CELA3B: variants seen among roughly 807,000 people sequenced by gnomAD.
CELA3B encodes chymotrypsin like elastase 3B, also known as chymotrypsin-like elastase family member 3B.
Under a neutral mutation model 37.2 loss-of-function variants are expected in CELA3B, and 34 were observed. The observed-to-expected ratio is 0.91, with a 90% confidence interval of 0.70 to 1.22. The LOEUF (loss-of-function observed/expected upper bound fraction) is 1.22. Ranked by LOEUF, CELA3B falls within the 50% of genes most tolerant of loss-of-function variation. The pLI, the probability that CELA3B is intolerant of heterozygous loss-of-function variation, is 0.00. For synonymous variants in CELA3B, 127 were observed against 143.5 expected, an observed-to-expected ratio of 0.89 and a Z score of 0.82; for missense variants, 340 against 363.1, an observed-to-expected ratio of 0.94 and a Z score of 0.52.
intron 6 of CELA3B, 130 bp downstream of exon 6, chr1:21,984,461 G>C (rs1308639625): frequency 7.6e-7 from 1 of 1,308,782 alleles, no homozygotes; most frequent in Non-Finnish European, 1.0e-6. Flanking sequence ...GGCAGGACTT[G>C]GAGGAAATCA....
In CELA3B at chr1:21,984,241, CTA is replaced by C; in HGVS notation, c.554_555del (p.Tyr185Ter). 3.7e-6 allele frequency: 6 copies of C among 1,614,200 alleles called. No homozygotes were observed. Among genetic ancestry groups the C allele is most frequent in the Non-Finnish European group, 5.1e-6 (6 of 1,180,034 alleles). On this transcript the variant is annotated frameshift_variant, in exon 6 of 8. Coordinates refer to ENST00000337107, the MANE Select transcript of CELA3B (RefSeq NM_007352.4). LOFTEE classifies it high-confidence loss of function. Reference sequence around the variant, plus strand: ...AGGAGGCCCTGCTGCCGGTGGTGGACTATGAACACTGCTCCAGGTGGAACTGG... The same window carrying C: ...AGGAGGCCCTGCTGCCGGTGGTGGACTGAACACTGCTCCAGGTGGAACTGG... ...LQEALLPVVDYEHCSRWNWWG... is the reference protein window; with the variant it reads ...LQEALLPVVDXEHCSRWNWWG...
At chr1:21,987,092 G>C (rs1338872912) in intron 7 of CELA3B, 1 of 367,868 alleles carries the variant, frequency 2.7e-6, no homozygotes, top group Non-Finnish European at 5.5e-6. Flanking sequence ...TCTGGGGATG[G>C]GTGATCAGAG....
rs1378213494 is a variant in CELA3B at position 21,983,767 on chromosome 1, C to T, written c.436C>T (p.Pro146Ser). The change falls in exon 5 of 8, where the codon CCG becomes TCG. Residue 146 changes from proline (P) to serine (S), a missense_variant. Physicochemically the swap from Pro to Ser is moderately conservative, Grantham distance 74. Coordinates refer to ENST00000337107, the MANE Select transcript of CELA3B (RefSeq NM_007352.4). The part of the protein sequence containing the change: ...GDAVQLASLP[P>S]AGDILPNETP... ...CGCCGTCCAGCTCGCCTCACTCCCT[C>T]CGGCTGGTGACATCCTTCCCAACGA... 3 of 1,613,788 alleles carry T rather than the reference C, an allele frequency of 1.9e-6. No individual in the cohort carries two copies. In the African/African-American group the frequency reaches 4.0e-5, roughly 22 times the overall value.
At chr1:21,994,100 C>T (rs4292925), downstream of CELA3B, among the ~76,000 whole-genome samples, 29,801 of 146,858 alleles carry the variant, frequency 0.2, 1,988 homozygotes, top group African/African-American at 0.45. Context: ...GAATCTCCAG[C>T]CCCACTTCTC....
intron 4 of CELA3B, 71 bp from the exon 5 acceptor site, chr1:21,983,623 G>A (rs1213609385): frequency 3.1e-6 from 5 of 1,588,272 alleles, no homozygotes; most frequent in Non-Finnish European, 4.3e-6. Flanking sequence ...GAATAGCCTG[G>A]AGCAACGGCT....
intron 1 of CELA3B, 93 bp downstream of exon 1, chr1:21,977,175 T>G: frequency 6.4e-7 from 1 of 1,572,726 alleles, no homozygotes; most frequent in Non-Finnish European, 8.8e-7. Context: ...TGACACCCTA[T>G]GCCTGGTTCC....
intron 4 of CELA3B, among the ~76,000 whole-genome samples, chr1:21,995,033 T>A (rs1644884576): frequency 6.7e-6 from 1 of 148,952 alleles, no homozygotes; most frequent in Non-Finnish European, 1.5e-5. Flanking sequence ...AAATCCTAAT[T>A]GTTTCACTTA....
In CELA3B at chr1:21,997,516, T is replaced by C. The variant is rs930739613; in HGVS notation, c.505-635T>C. ...CAGCCTGGCCAATGTGGTGAAACCC[T>C]GCCTCTACTAAAAATCCAAAAATTA... On this transcript the variant is annotated intron_variant, in intron 4 of 4. Coordinates refer to the CELA3B transcript ENST00000400277. Among the ~76,000 whole-genome samples, 11 of 150,406 alleles carry C rather than the reference T, an allele frequency of 7.3e-5. 1 individual carries two copies. Among genetic ancestry groups the C allele is most frequent in the Non-Finnish European group, 1.3e-4 (9 of 67,736 alleles).
At chr1:21,998,378 A>AC (rs1475939258) in exon 5 of CELA3B, 2 of 339,850 alleles carry the variant, frequency 5.9e-6, no homozygotes, top group African/African-American at 2.2e-5. Flanking sequence ...AGCACACAAA[A>AC]CCCCCCGCCC....
At chr1:21,995,343 T>A (rs1439311001) in intron 4 of CELA3B, among the ~76,000 whole-genome samples, 1 of 150,870 alleles carries the variant, frequency 6.6e-6, no homozygotes, top group East Asian at 2.0e-4. Context: ...TTTCACCATT[T>A]TGCCCAGGCT....
chr1:21,995,536 G>A (rs1569856944), intron 4 of CELA3B, among the ~76,000 whole-genome samples: 1 of 151,176 alleles, frequency 6.6e-6, no homozygotes, highest in East Asian at 1.9e-4. Context: ...GCTGATTTCT[G>A]GCTGTGGCAG....
chr1:21,983,746 G>A lies in CELA3B; in HGVS notation c.415G>A (p.Val139Ile), dbSNP rs141568613. ...LSRSAQLGDA[V>I]QLASLPPAGD... ...ACGCAGCGCCCAGCTGGGAGACGCC[G>A]TCCAGCTCGCCTCACTCCCTCCGGC... The change falls in exon 5 of 8, where the codon GTC becomes ATC. Residue 139 changes from valine to isoleucine, a missense_variant. Physicochemically the swap from Val to Ile is conservative, Grantham distance 29 (BLOSUM62 3). Transcript: ENST00000337107. The A allele has an allele frequency of 4.1e-3, 6,694 of 1,614,068 alleles. 26 individuals carry two copies. The highest frequency in any genetic ancestry group is 6.7e-3 in the South Asian group (606 of 91,058).
exon 5 of CELA3B, chr1:21,998,301 A>G: frequency 2.2e-6 from 1 of 448,838 alleles, no homozygotes; most frequent in Admixed American, 2.4e-5. Context: ...ATCCCATCTG[A>G]CCTTTAGTTC....
downstream of CELA3B, among the ~76,000 whole-genome samples, chr1:21,992,345 G>A (rs201653673): frequency 0.021 from 2,726 of 129,882 alleles, 6 homozygotes; most frequent in East Asian, 0.073. Context: ...GTGCACTATG[G>A]TCGCACCTGT....
downstream of CELA3B, among the ~76,000 whole-genome samples, chr1:21,992,979 A>AAG (rs1317460390): frequency 1.3e-5 from 2 of 150,682 alleles, no homozygotes; most frequent in Non-Finnish European, 2.9e-5. Context: ...AAAAAAAAAA[A>AAG]AAAGAAAGAA....
At chr1:21,989,387 T>A, downstream of CELA3B, 3 of 877,970 alleles carry the variant, frequency 3.4e-6, no homozygotes, top group Non-Finnish European at 3.6e-6. Flanking sequence ...GACTCACCTC[T>A]TCCCCTCTGG....
At chr1:21,981,434 G>C (rs1367005521) in intron 4 of CELA3B, among the ~76,000 whole-genome samples, 3 of 151,696 alleles carry the variant, frequency 2.0e-5, no homozygotes, top group Non-Finnish European at 4.4e-5. Flanking sequence ...CACTTGGCTA[G>C]TGGCTTCAGA....
intron 2 of CELA3B, among the ~76,000 whole-genome samples, chr1:21,978,833 G>A (rs1274091555): frequency 6.6e-6 from 1 of 151,874 alleles, no homozygotes; most frequent in African/African-American, 2.4e-5. Context: ...GATCTTGTAA[G>A]GCCAGTGGAG....
chr1:21,989,170 A>T, intron 7 of CELA3B, 92 bp from the exon 8 acceptor site: 1 of 1,586,818 alleles, frequency 6.3e-7, no homozygotes, highest in South Asian at 1.1e-5. Context: ...CCAGGGTCAC[A>T]CAGCAGGGCT....
Sources: allele counts gnomAD v4.1 joint callset (sites outside exome capture counted in the v4.1 genomes callset), GRCh38; gene constraint gnomAD v4.1.1; transcripts MANE v1.5; gene names NCBI Gene and HGNC (gene_info 2026-07-23, HGNC 2026-07-21).